SLC35F3: variants seen among roughly 807,000 people sequenced by gnomAD.
SLC35F3 encodes putative thiamine transporter SLC35F3.
In SLC35F3, 25 loss-of-function variants were observed where a neutral mutation model predicts 49.9. The observed-to-expected ratio is 0.50, with a 90% confidence interval of 0.37 to 0.70. The LOEUF (loss-of-function observed/expected upper bound fraction) is 0.70. SLC35F3 is among the 30% of genes least tolerant of loss of function. The probability of loss-of-function intolerance (pLI) is 0.00; values close to 1 mark genes in which losing one functional copy is unlikely to be tolerated. For synonymous variants in SLC35F3, 275 were observed against 265.4 expected (o/e 1.04, Z -0.35); for missense variants, 525 against 639.8 (o/e 0.82, Z 1.94).
chr1:234,116,210 G>A (rs1314731718), intron 2 of SLC35F3, among the ~76,000 whole-genome samples: 1 of 152,116 alleles, frequency 6.6e-6, no homozygotes, highest in Non-Finnish European at 1.5e-5. Context: ...ATCTGCTTAG[G>A]AGCAAAAGGG....
At position 233,940,369 on chromosome 1, in the gene SLC35F3, CAGAG is replaced by C. The variant is rs10579621; in HGVS notation, c.283+34635_283+34638del. On this transcript the variant is annotated intron_variant, in intron 2 of 7. Transcript: ENST00000366618. ...GGATACAGACACACACACACACACA[CAGAG>C]AGAGAGAGAGAGAGAGAGAGAGATA... Among the ~76,000 whole-genome samples, 195 of 146,498 alleles carry C rather than the reference CAGAG, an allele frequency of 1.3e-3. 1 individual carries two copies. Among genetic ancestry groups the C allele is most frequent in the Middle Eastern group, 0.01 (3 of 286 alleles).
chr1:234,232,499 C>T lies in SLC35F3; in HGVS notation c.608+758C>T, dbSNP rs1461984414. Reference sequence around the variant, plus strand: ...GGCCTTCTGTGGGCCATGTCATGGGCGTCCCAAATCAGGCCTAGTCAAAAA... The same window carrying T: ...GGCCTTCTGTGGGCCATGTCATGGGTGTCCCAAATCAGGCCTAGTCAAAAA... On this transcript the variant is annotated intron_variant, in intron 3 of 7. Coordinates refer to ENST00000366618, the MANE Select transcript of SLC35F3 (RefSeq NM_173508.4). Among the ~76,000 whole-genome samples the T allele has an allele frequency of 1.3e-4, 14 of 111,324 alleles. No individual in the cohort carries two copies. In the Admixed American group the frequency reaches 1.7e-3, roughly 14 times the overall value. 73.0% of individuals were successfully genotyped at this position (111,324 alleles called of 152,430 possible).
At chr1:234,152,135 G>A (rs1666084213) in intron 2 of SLC35F3, among the ~76,000 whole-genome samples, 1 of 151,310 alleles carries the variant, frequency 6.6e-6, no homozygotes, top group Non-Finnish European at 1.5e-5. Context: ...GGAAAAAAAA[G>A]TGTATATGAT....
chr1:234,021,126 C>T (rs188133060), intron 2 of SLC35F3, among the ~76,000 whole-genome samples: 2 of 152,172 alleles, frequency 1.3e-5, no homozygotes, highest in African/African-American at 4.8e-5. Context: ...ATCTTGCACA[C>T]GTCTTTGATG....
chr1:234,264,889 C>A (rs1199273069), intron 3 of SLC35F3, among the ~76,000 whole-genome samples: 2 of 152,176 alleles, frequency 1.3e-5, no homozygotes, highest in African/African-American at 4.8e-5. Flanking sequence ...TTGAACCCTC[C>A]TTATTGTTTA....
intron 2 of SLC35F3, among the ~76,000 whole-genome samples, chr1:234,062,880 G>A (rs930005150): frequency 6.1e-5 from 9 of 146,434 alleles, no homozygotes; most frequent in African/African-American, 1.8e-4. Flanking sequence ...TAGTAGAGAC[G>A]TGGTTTCACC....
intron 2 of SLC35F3, among the ~76,000 whole-genome samples, chr1:234,208,556 A>G (rs891416485): frequency 7.2e-5 from 11 of 152,174 alleles, no homozygotes; most frequent in Admixed American, 6.5e-5. Context: ...CACGATTTCA[A>G]TACAGCCCCT....
chr1:234,041,786 A>G (rs1664225848), intron 2 of SLC35F3, among the ~76,000 whole-genome samples: 1 of 152,168 alleles, frequency 6.6e-6, no homozygotes, highest in Admixed American at 6.5e-5. Context: ...TTATACATGC[A>G]TAGTACCCAG....
At position 234,323,408 on chromosome 1, in the gene SLC35F3, C is replaced by A. The variant is rs1657679900; in HGVS notation, c.*165C>A. The A allele has an allele frequency of 3.2e-6, 2 of 616,778 alleles. No homozygotes were observed. Among genetic ancestry groups the A allele is most frequent in the South Asian group, 4.0e-5 (2 of 49,714 alleles). 38.2% of individuals were successfully genotyped at this position (616,778 alleles called of 1,614,324 possible). A position where few individuals can be genotyped will look rare whatever the true frequency, so the allele number is the denominator to read the frequency against. On this transcript the variant is annotated 3_prime_UTR_variant, in exon 8 of 8. Coordinates refer to ENST00000366618, the MANE Select transcript of SLC35F3 (RefSeq NM_173508.4). The surrounding 1 kb of genome is among the most constrained non-coding windows in gnomAD (Gnocchi z 4.5). The stretch of plus-strand genomic sequence containing the variant: ...TTGCTTGCACTTTTCCACATCAGAC[C>A]TTCCACTTAAGGGTACCAATTCAAT...
intron 2 of SLC35F3, among the ~76,000 whole-genome samples, chr1:233,944,106 AC>A (rs1285869321): frequency 6.6e-6 from 1 of 152,176 alleles, no homozygotes. Flanking sequence ...CAATTTAACA[AC>A]CTAACCTCAT....
At chr1:234,313,688 T>G (rs1266117284) in intron 4 of SLC35F3, among the ~76,000 whole-genome samples, 1 of 152,094 alleles carries the variant, frequency 6.6e-6, no homozygotes, top group Non-Finnish European at 1.5e-5. Context: ...ACACCCACCC[T>G]TAGCACCTGT....
intron 2 of SLC35F3, among the ~76,000 whole-genome samples, chr1:234,188,900 C>G (rs896075930): frequency 1.3e-5 from 2 of 152,122 alleles, no homozygotes; most frequent in East Asian, 3.9e-4. Context: ...TCTCCTAGTA[C>G]CAGCCCAGAG....
chr1:233,921,442 A>G (rs1200367911), intron 2 of SLC35F3, among the ~76,000 whole-genome samples: 2 of 152,172 alleles, frequency 1.3e-5, no homozygotes, highest in Non-Finnish European at 2.9e-5. Context: ...TTAGTGGCAC[A>G]CATTCTATGG....
chr1:234,313,065 CAG>C (rs767881226), intron 4 of SLC35F3, among the ~76,000 whole-genome samples: 49 of 152,132 alleles, frequency 3.2e-4, no homozygotes, highest in Non-Finnish European at 6.2e-4. Context: ...TTTGTAGAGA[CAG>C]AGTCTCACCA....
At chr1:233,926,112 T>TG (rs1317420335) in intron 2 of SLC35F3, among the ~76,000 whole-genome samples, 1 of 152,176 alleles carries the variant, frequency 6.6e-6, no homozygotes, top group African/African-American at 2.4e-5. Context: ...TTAGGTGTCT[T>TG]GGGGTTGCTC....
intron 2 of SLC35F3, among the ~76,000 whole-genome samples, chr1:233,906,618 G>A (rs1198643416): frequency 6.6e-6 from 1 of 152,094 alleles, no homozygotes; most frequent in Non-Finnish European, 1.5e-5. Flanking sequence ...GGGCCTTGAC[G>A]TCTTTCATTT....
At chr1:233,937,824 CAG>C (rs1202173742) in intron 2 of SLC35F3, among the ~76,000 whole-genome samples, 3 of 152,202 alleles carry the variant, frequency 2.0e-5, no homozygotes, top group East Asian at 1.9e-4. Context: ...CAAGGATAGT[CAG>C]GGGGCAAGGA....
chr1:234,238,711 T>C (rs532652942), intron 3 of SLC35F3, among the ~76,000 whole-genome samples: 5 of 152,246 alleles, frequency 3.3e-5, no homozygotes, highest in Admixed American at 1.3e-4. Flanking sequence ...AAGTTCAGAA[T>C]ATTCTTTCTA....
intron 3 of SLC35F3, among the ~76,000 whole-genome samples, chr1:234,279,012 A>G (rs980237408): frequency 6.6e-6 from 1 of 152,192 alleles, no homozygotes; most frequent in African/African-American, 2.4e-5. Flanking sequence ...CAGCCTCACG[A>G]GGTCCTGATG....
Sources: allele counts gnomAD v4.1 joint callset (sites outside exome capture counted in the v4.1 genomes callset), GRCh38; gene constraint gnomAD v4.1.1; non-coding constraint Gnocchi (gnomAD v3.1); transcripts MANE v1.5; gene names NCBI Gene and HGNC (gene_info 2026-07-23, HGNC 2026-07-21).